Variants in GARIN4 observed in about 807,000 individuals in gnomAD.
GARIN4 encodes Golgi-associated RAB2 interactor protein 4.
the GARIN4 span, chr1:212,625,977 G>A: frequency 6.2e-7 from 1 of 1,614,250 alleles, no homozygotes; most frequent in South Asian, 1.1e-5. Flanking sequence ...CGAGAGGGCA[G>A]TGTGAGCCTG....
the GARIN4 span, chr1:212,625,993 T>C: frequency 7.4e-6 from 12 of 1,614,062 alleles, no homozygotes; most frequent in Non-Finnish European, 1.0e-5. Flanking sequence ...GCCTGGCCAT[T>C]GCAGGAGTAG....
chr1:212,626,670 C>G, the GARIN4 span: 1 of 1,581,402 alleles, frequency 6.3e-7, no homozygotes, highest in Non-Finnish European at 8.6e-7. Flanking sequence ...TAAATAAGAC[C>G]CAGAGCTGGA....
chr1:212,626,220 A>G, the GARIN4 span: 2 of 1,614,062 alleles, frequency 1.2e-6, no homozygotes, highest in South Asian at 1.1e-5. Flanking sequence ...AGCCGCCACA[A>G]AACAAGGGGA....
At chr1:212,626,406 G>A in the GARIN4 span, 1 of 1,614,230 alleles carries the variant, frequency 6.2e-7, no homozygotes, top group Non-Finnish European at 8.5e-7. Context: ...AAATCTGGGA[G>A]GAGCTTATGG....
At chr1:212,625,040 A>G in the GARIN4 span, 3 of 1,614,198 alleles carry the variant, frequency 1.9e-6, no homozygotes, top group East Asian at 4.5e-5. Context: ...CCAGATCACC[A>G]AAAGGGGAGA....
chr1:212,626,435 A>G, the GARIN4 span: 1 of 1,614,236 alleles, frequency 6.2e-7, no homozygotes, highest in Non-Finnish European at 8.5e-7. Context: ...TTCCGGTTCC[A>G]GCAAGGGACT....
the GARIN4 span, chr1:212,625,129 T>C: frequency 6.2e-7 from 1 of 1,614,128 alleles, no homozygotes; most frequent in Non-Finnish European, 8.5e-7. Context: ...CACTCCCAGA[T>C]GTCATGCTAC....
chr1:212,626,375 A>G, the GARIN4 span: 1 of 1,614,226 alleles, frequency 6.2e-7, no homozygotes, highest in Non-Finnish European at 8.5e-7. Flanking sequence ...GCCCATCTCA[A>G]AGGAGTCCAG....
the GARIN4 span, chr1:212,624,737 T>C: frequency 7.1e-7 from 1 of 1,410,014 alleles, no homozygotes; most frequent in South Asian, 1.6e-5. Context: ...TGGGGGCCTG[T>C]GGGGTGGGGT....
the GARIN4 span, chr1:212,626,198 A>G: frequency 6.2e-7 from 1 of 1,614,156 alleles, no homozygotes; most frequent in South Asian, 1.1e-5. Flanking sequence ...CCATCGCCGC[A>G]GGACAGGTGA....
the GARIN4 span, chr1:212,624,813 CACCGAGGCCAAGGAAGACCCAGAG>C: frequency 3.4e-6 from 5 of 1,467,618 alleles, no homozygotes; most frequent in Admixed American, 2.7e-5. Flanking sequence ...CCTCATCTGC[CACCGAGGCCAAGGAAGACCCAGAG>C]ACCTGCCTCA....
At chr1:212,626,325 G>A in the GARIN4 span, 1 of 1,614,222 alleles carries the variant, frequency 6.2e-7, no homozygotes, top group South Asian at 1.1e-5. Flanking sequence ...AACCCGGGGA[G>A]CAGCAGGCAC....
chr1:212,626,618 A>G, the GARIN4 span: 5 of 1,612,762 alleles, frequency 3.1e-6, no homozygotes, highest in African/African-American at 4.0e-5. Context: ...GGTTGGTTCT[A>G]TGACACCGGA....
At chr1:212,626,741 T>A in the GARIN4 span, 3 of 1,510,028 alleles carry the variant, frequency 2.0e-6, no homozygotes, top group South Asian at 2.7e-5. Flanking sequence ...CAGCGTTCTT[T>A]ACTGCCGTTT....
the GARIN4 span, chr1:212,626,278 A>T: frequency 2.5e-6 from 4 of 1,614,102 alleles, no homozygotes; most frequent in Non-Finnish European, 2.5e-6. Flanking sequence ...TCAGCCACAG[A>T]GCCAATAGAG....
chr1:212,625,401 G>T, the GARIN4 span: 2 of 1,614,202 alleles, frequency 1.2e-6, no homozygotes. Context: ...TACCTCTTGC[G>T]GCCACCCATG....
At chr1:212,625,362 ACCTCTTTG>A in the GARIN4 span, 3 of 1,614,198 alleles carry the variant, frequency 1.9e-6, no homozygotes, top group Non-Finnish European at 2.5e-6. Context: ...ACACGGGATG[ACCTCTTTG>A]CCTATTGGGA....
the GARIN4 span, chr1:212,625,798 G>T: frequency 1.2e-6 from 2 of 1,614,204 alleles, no homozygotes; most frequent in Non-Finnish European, 1.7e-6. Context: ...CCCCTGGACA[G>T]GTGAGCGCAG....
the GARIN4 span, chr1:212,626,631 T>C: frequency 1.2e-6 from 2 of 1,610,026 alleles, no homozygotes; most frequent in Non-Finnish European, 1.7e-6. Context: ...ACACCGGACA[T>C]CATGGAGACA....
Sources: allele counts gnomAD v4.1 joint callset, GRCh38; gene constraint gnomAD v4.1.1; transcripts MANE v1.5; gene names NCBI Gene and HGNC (gene_info 2026-07-23, HGNC 2026-07-21).